The following PCSK5 variants were observed in gnomAD, a reference collection of about 807,000 sequenced individuals.
PCSK5 encodes prohormone convertase 5.
In PCSK5, 129 loss-of-function variants were observed where a neutral mutation model predicts 233.2. The ratio of observed to expected loss-of-function variants is 0.55; its 90% CI spans 0.48 to 0.64. PCSK5 has a LOEUF of 0.64. Ranked by LOEUF, PCSK5 falls within the 30% of genes least tolerant of loss-of-function variation. PCSK5 has a pLI of 0.00. For synonymous variants in PCSK5, 825 were observed against 879.2 expected, an observed-to-expected ratio of 0.94 and a Z score of 1.09; for missense variants, 2,076 against 2,430.1, an observed-to-expected ratio of 0.85 and a Z score of 3.06.
chr9:76,165,841 G>A (rs544687015), intron 12 of PCSK5, among the ~76,000 whole-genome samples: 5 of 152,166 alleles, frequency 3.3e-5, no homozygotes, highest in African/African-American at 7.2e-5. Context: ...GGATGTTCAC[G>A]CTGGGCATTA....
chr9:75,986,637 T>C (rs1335194572), intron 3 of PCSK5, among the ~76,000 whole-genome samples: 1 of 152,206 alleles, frequency 6.6e-6, no homozygotes, highest in East Asian at 1.9e-4. Context: ...TGCACACTGG[T>C]TCTTGAACAT....
At chr9:76,130,244 C>T (rs1019017759) in intron 9 of PCSK5, among the ~76,000 whole-genome samples, 2 of 152,176 alleles carry the variant, frequency 1.3e-5, no homozygotes, top group South Asian at 2.1e-4. Context: ...TCAACAGAGT[C>T]AAGAAAGAGA....
At chr9:75,931,433 G>C (rs1484651892) in intron 1 of PCSK5, among the ~76,000 whole-genome samples, 1 of 151,992 alleles carries the variant, frequency 6.6e-6, no homozygotes. Flanking sequence ...CAGTGGTCTT[G>C]GAAATTAACT....
chr9:75,948,322 C>A (rs372744271), intron 2 of PCSK5, among the ~76,000 whole-genome samples: 4 of 143,916 alleles, frequency 2.8e-5, no homozygotes, highest in Non-Finnish European at 6.0e-5. Flanking sequence ...CCCCCCACCC[C>A]CCGAAAGGCC....
rs188704263 is a variant in PCSK5, at chr9:76,271,402, T to C, written c.3143-20831T>C. Among the ~76,000 whole-genome samples the C allele has an allele frequency of 3.7e-3, 568 of 152,304 alleles. 3 individuals are homozygous for C. The highest frequency in any genetic ancestry group is 5.2e-3 in the Non-Finnish European group (355 of 68,028). ...TCACACATGATAAAGCATTCCTCTT[T>C]TCACTAAGAAGAAGTAGCTGAATTT... On this transcript the variant is annotated intron_variant, in intron 24 of 37. Coordinates refer to ENST00000674117, the MANE Select transcript of PCSK5 (RefSeq NM_001372043.1).
intron 1 of PCSK5, among the ~76,000 whole-genome samples, chr9:75,892,581 G>A (rs1386221206): frequency 2.6e-5 from 4 of 152,210 alleles, no homozygotes; most frequent in Non-Finnish European, 5.9e-5. Flanking sequence ...GAAGGGAGAG[G>A]GAGGTGCTGG....
At chr9:76,169,403 T>C (rs1823231446) in intron 12 of PCSK5, among the ~76,000 whole-genome samples, 1 of 152,106 alleles carries the variant, frequency 6.6e-6, no homozygotes, top group African/African-American at 2.4e-5. Context: ...ACGTCTTCAA[T>C]ACTCTACTGT....
intron 1 of PCSK5, among the ~76,000 whole-genome samples, chr9:75,893,987 G>A (rs1019567239): frequency 3.9e-4 from 60 of 152,234 alleles, no homozygotes; most frequent in African/African-American, 1.4e-3. Flanking sequence ...TTACTGCTCT[G>A]ACCTTTCAAC....
intron 15 of PCSK5, 114 bp downstream of exon 15, chr9:76,179,812 C>T: frequency 1.4e-6 from 1 of 694,844 alleles, no homozygotes; most frequent in African/African-American, 1.8e-5. Flanking sequence ...ACTATTCTCC[C>T]ACCAGGACCG....
intron 9 of PCSK5, among the ~76,000 whole-genome samples, chr9:76,112,543 C>A (rs946837376): frequency 2.6e-5 from 4 of 152,094 alleles, no homozygotes; most frequent in Admixed American, 2.6e-4. Context: ...CACCTACTTT[C>A]TCCTTATTAC....
At chr9:75,896,970 A>G (rs940404391) in intron 1 of PCSK5, among the ~76,000 whole-genome samples, 2 of 152,164 alleles carry the variant, frequency 1.3e-5, no homozygotes, top group African/African-American at 4.8e-5. Flanking sequence ...GTAAAATTAG[A>G]TCGGAAAGAA....
chr9:76,197,872 C>T (rs1824763996), intron 20 of PCSK5, among the ~76,000 whole-genome samples: 1 of 152,194 alleles, frequency 6.6e-6, no homozygotes, highest in African/African-American at 2.4e-5. Context: ...TTGTTGCAGA[C>T]TCATGAAATC....
intron 8 of PCSK5, among the ~76,000 whole-genome samples, chr9:76,102,800 G>A (rs1174957587): frequency 1.3e-5 from 2 of 152,180 alleles, no homozygotes; most frequent in Non-Finnish European, 2.9e-5. Context: ...GACTTTGAGT[G>A]TTTCCTAATG....
At chr9:76,032,999 A>G (rs1828711173) in intron 5 of PCSK5, among the ~76,000 whole-genome samples, 2 of 152,170 alleles carry the variant, frequency 1.3e-5, no homozygotes, top group Admixed American at 1.3e-4. Context: ...GTTGTTTCTT[A>G]TCTCTGATTC....
chr9:76,342,314 G>A (rs1829856687), intron 35 of PCSK5, among the ~76,000 whole-genome samples: 1 of 152,292 alleles, frequency 6.6e-6, no homozygotes, highest in South Asian at 2.1e-4. Context: ...TGGGATGGCA[G>A]GAGGGATACT....
chr9:76,200,125 C>T (rs1824860755), intron 20 of PCSK5, among the ~76,000 whole-genome samples: 1 of 152,054 alleles, frequency 6.6e-6, no homozygotes, highest in African/African-American at 2.4e-5. Flanking sequence ...TTTCCCTAAT[C>T]AGTTCCCTAC....
chr9:76,336,044 T>TTTCTTGAG (rs1829668860), intron 34 of PCSK5, among the ~76,000 whole-genome samples: 1 of 149,884 alleles, frequency 6.7e-6, no homozygotes, highest in Non-Finnish European at 1.5e-5. Context: ...GATGGTTTCT[T>TTTCTTGAG]TTCTTGAGTC....
At position 76,351,610 on chromosome 9, in the gene PCSK5, GAAAAAGA is replaced by G. The variant is rs769364088; in HGVS notation, c.5067+685_5067+691del. 3.6e-3 allele frequency among the ~76,000 whole-genome samples: 112 copies of G among 31,332 alleles called. 5 individuals are homozygous for G. The highest frequency in any genetic ancestry group is 6.6e-3 in the African/African-American group (110 of 16,782). 20.6% of individuals were successfully genotyped at this position (31,332 alleles called of 152,430 possible). ...GAGAGAGAGAAAGAAAGAGAAGAAA[GAAAAAGA>G]AAGAGAAAGAAAGAGAGAGAAAGAA... On this transcript the variant is annotated intron_variant, in intron 36 of 37. Coordinates refer to ENST00000674117, the MANE Select transcript of PCSK5 (RefSeq NM_001372043.1).
intron 5 of PCSK5, among the ~76,000 whole-genome samples, chr9:76,047,851 A>G (rs1285687491): frequency 6.6e-6 from 1 of 152,248 alleles, no homozygotes; most frequent in Non-Finnish European, 1.5e-5. Flanking sequence ...TAGAGCATGC[A>G]GCTATAGTCA....
Sources: gnomAD v4.1 joint callset for allele counts (sites outside exome capture counted in the v4.1 genomes callset) on GRCh38, gnomAD v4.1.1 for gene constraint, MANE v1.5 for transcripts, NCBI Gene and HGNC (gene_info 2026-07-23, HGNC 2026-07-21) for gene names.